Variants in PSPC1 observed in about 807,000 individuals in gnomAD.
PSPC1 encodes the protein paraspeckle protein 1.
Under a neutral mutation model 51.6 loss-of-function variants are expected in PSPC1, and 14 were observed. That is an observed-to-expected ratio of 0.27 (90% CI 0.18 to 0.42). The LOEUF is 0.42. Ranked by LOEUF, PSPC1 falls within the 10% of genes least tolerant of loss-of-function variation. PSPC1 has a pLI of 1.00. For missense variants in PSPC1, 406 were observed against 701.1 expected (o/e 0.58, Z 4.75); for synonymous variants, 193 against 231.9 (o/e 0.83, Z 1.53).
At chr13:19,711,012 A>AT (rs1021180080) in intron 6 of PSPC1, among the ~76,000 whole-genome samples, 11 of 151,112 alleles carry the variant, frequency 7.3e-5, no homozygotes, top group East Asian at 3.9e-4. Context: ...GAATTTTTGA[A>AT]TTTTTTTTTG....
intron 5 of PSPC1, among the ~76,000 whole-genome samples, chr13:19,733,786 A>AAAAAAAT (rs1555237785): frequency 2.1e-5 from 3 of 141,866 alleles, no homozygotes; most frequent in African/African-American, 7.8e-5. Flanking sequence ...AAGAAAAAAA[A>AAAAAAAT]ATATATATAT....
exon 8 of PSPC1, chr13:19,674,786 T>C (rs1043472630): frequency 2.6e-5 from 4 of 152,234 alleles, no homozygotes; most frequent in Admixed American, 2.6e-4. Flanking sequence ...TTTCATGCAG[T>C]TAACATGCTT....
intron 7 of PSPC1, 110 bp from the exon 8 acceptor site, chr13:19,705,941 T>C (rs1880597369): frequency 1.0e-6 from 1 of 962,656 alleles, no homozygotes. Context: ...AAAATTATTT[T>C]CGCTCCTTAA....
At chr13:19,766,101 A>G (rs1407176209) in intron 2 of PSPC1, among the ~76,000 whole-genome samples, 1 of 152,194 alleles carries the variant, frequency 6.6e-6, no homozygotes, top group Admixed American at 6.6e-5. Context: ...AGCTGGGCGC[A>G]GTGGCTCACG....
chr13:19,675,142 A>T (rs879806536), intron 7 of PSPC1: 1 of 152,800 alleles, frequency 6.5e-6, no homozygotes. Context: ...GACTCCCGCT[A>T]TTTGCTTGCC....
chr13:19,765,362 T>A (rs9508879), intron 2 of PSPC1, among the ~76,000 whole-genome samples: 3 of 146,170 alleles, frequency 2.1e-5, no homozygotes, highest in Non-Finnish European at 4.5e-5. Flanking sequence ...TTATTATTAT[T>A]ATTACCAGGA....
chr13:19,728,439 A>C lies in PSPC1; in HGVS notation c.1158+1800T>G, dbSNP rs543075126. Reference sequence around the variant, plus strand: ...TAAGAGGGCCTAATTTCAAAGCTTAAACACACACACACACACACACACACA... The same window carrying C: ...TAAGAGGGCCTAATTTCAAAGCTTACACACACACACACACACACACACACA... On this transcript the variant is annotated intron_variant, in intron 6 of 8. Coordinates refer to ENST00000338910, the MANE Select transcript of PSPC1 (RefSeq NM_001354909.2). Among the ~76,000 whole-genome samples the C allele has an allele frequency of 2.4e-4, 35 of 144,440 alleles. No individual in the cohort carries two copies. The South Asian group carries it at 5.7e-3, about 23-fold the overall frequency. 94.8% of individuals were successfully genotyped at this position (144,440 alleles called of 152,430 possible). A position where few individuals can be genotyped will look rare whatever the true frequency, so the allele number is the denominator to read the frequency against.
At chr13:19,764,159 A>T (rs9506373) in intron 2 of PSPC1, among the ~76,000 whole-genome samples, 121,977 of 152,114 alleles carry the variant, frequency 0.8, 50,242 homozygotes, top group East Asian at 0.96. Flanking sequence ...AATAGCAAGT[A>T]TTGCAGAAGA....
At chr13:19,772,747 A>G (rs1384961813) in intron 1 of PSPC1, among the ~76,000 whole-genome samples, 1 of 152,200 alleles carries the variant, frequency 6.6e-6, no homozygotes, top group Non-Finnish European at 1.5e-5. Context: ...TCCCAACTCC[A>G]TTGTTTTGTT....
chr13:19,742,931 GT>G (rs976566153), intron 4 of PSPC1, among the ~76,000 whole-genome samples: 1 of 149,164 alleles, frequency 6.7e-6, no homozygotes, highest in Non-Finnish European at 1.5e-5. Context: ...ACGAAGAAGA[GT>G]GAGGAGACAA....
At chr13:19,779,796 G>C (rs1433985434) in intron 1 of PSPC1, among the ~76,000 whole-genome samples, 1 of 61,638 alleles carries the variant, frequency 1.6e-5, no homozygotes. Context: ...GCCTCTGCCC[G>C]GCCGCCCCTA....
intron 6 of PSPC1, among the ~76,000 whole-genome samples, chr13:19,684,074 C>T (rs1385177847): frequency 6.6e-6 from 1 of 152,124 alleles, no homozygotes; most frequent in Admixed American, 6.5e-5. Flanking sequence ...ATCTGCAAGG[C>T]AACTGTAGTG....
downstream of PSPC1, chr13:19,671,918 C>T: frequency 6.3e-7 from 1 of 1,593,488 alleles, no homozygotes; most frequent in African/African-American, 1.3e-5. Context: ...AGACCGATTC[C>T]TATACTCTCT....
chr13:19,719,704 G>A (rs1391460990), intron 6 of PSPC1, among the ~76,000 whole-genome samples: 2 of 152,236 alleles, frequency 1.3e-5, no homozygotes, highest in Admixed American at 6.5e-5. Context: ...TCAACTGAAT[G>A]TGTAGCAAAA....
At chr13:19,677,728 A>G (rs1876826110) in exon 7 of PSPC1, 2 of 463,526 alleles carry the variant, frequency 4.3e-6, no homozygotes, top group Non-Finnish European at 4.3e-6. Context: ...ACTGACCTGA[A>G]AGGAAGTATG....
At chr13:19,714,621 G>A (rs1372418453) in intron 6 of PSPC1, among the ~76,000 whole-genome samples, 5 of 151,536 alleles carry the variant, frequency 3.3e-5, no homozygotes, top group African/African-American at 1.2e-4. Context: ...CAGCCTCAAG[G>A]GTAGCTGGAA....
chr13:19,759,492 T>TATA (rs1344345059), intron 2 of PSPC1, 74 bp from the exon 3 acceptor site: 1 of 1,025,318 alleles, frequency 9.8e-7, no homozygotes, highest in East Asian at 2.6e-5. Flanking sequence ...AGAAATGTTT[T>TATA]ATAATAATAA....
intron 6 of PSPC1, among the ~76,000 whole-genome samples, chr13:19,726,705 A>G (rs538978916): frequency 6.6e-6 from 1 of 152,310 alleles, no homozygotes; most frequent in East Asian, 1.9e-4. Context: ...AGCCTGGGCA[A>G]CATATCAAGA....
downstream of PSPC1, chr13:19,672,951 G>A: frequency 2.6e-6 from 1 of 386,064 alleles, no homozygotes; most frequent in Non-Finnish European, 5.0e-6. Context: ...AGATACTCAG[G>A]AGGCTGAGGT....
Sources: gnomAD v4.1 joint callset for allele counts (sites outside exome capture counted in the v4.1 genomes callset) on GRCh38, gnomAD v4.1.1 for gene constraint, MANE v1.5 for transcripts, NCBI Gene and HGNC (gene_info 2026-07-23, HGNC 2026-07-21) for gene names.